Variants in DDR1 observed in about 807,000 individuals in gnomAD.
DDR1 encodes the protein epithelial discoidin domain-containing receptor 1.
Under a neutral mutation model 97.4 loss-of-function variants are expected in DDR1, and 64 were observed. The ratio of observed to expected loss-of-function variants is 0.66; its 90% confidence interval spans 0.54 to 0.81. The LOEUF is 0.81. Among genes scored for constraint, DDR1 ranks in the 30% least tolerant of loss-of-function variants. The pLI is 0.00. For synonymous variants in DDR1, 458 were observed against 503.7 expected (o/e 0.91, Z 1.21); for missense variants, 990 against 1,259.6 (o/e 0.79, Z 3.24).
chr6:30,892,081 G>T lies in DDR1; in HGVS notation c.745G>T (p.Val249Phe), dbSNP rs1359986879. The change falls in exon 7 of 18, where the codon GTC becomes TTC. Residue 249 changes from valine (V) to phenylalanine (F), a missense_variant. Transcript: ENST00000376568. Reference sequence around the variant, plus strand: ...CTTTAGGAAGAGTCAGGAGCTGCGGGTCTGGCCAGGCTATGACTATGTGGG... The same window carrying T: ...CTTTAGGAAGAGTCAGGAGCTGCGGTTCTGGCCAGGCTATGACTATGTGGG... ...DDFRKSQELR[V>F]WPGYDYVGWS... 1 of 1,614,202 alleles carries T rather than the reference G, an allele frequency of 6.2e-7. No individual in the cohort carries two copies. Among genetic ancestry groups the T allele is most frequent in the Non-Finnish European group, 8.5e-7 (1 of 1,180,022 alleles).
At chr6:30,885,905 T>G in intron 1 of DDR1, 1 of 1,085,212 alleles carries the variant, frequency 9.2e-7, no homozygotes, top group Non-Finnish European at 1.2e-6. Context: ...CGTGAAGGGC[T>G]TGAGGCAGGG....
chr6:30,894,721 T>G lies in DDR1; in HGVS notation c.1513+50T>G. 1 of 1,495,026 alleles carries G rather than the reference T, an allele frequency of 6.7e-7. No individual in the cohort carries two copies. The highest frequency in any genetic ancestry group is 8.9e-7 in the Non-Finnish European group (1 of 1,117,864). 92.6% of individuals were successfully genotyped at this position (1,495,026 alleles called of 1,614,324 possible). A position where few individuals can be genotyped will look rare whatever the true frequency, so the allele number is the denominator to read the frequency against. On this transcript the variant is annotated intron_variant, in intron 11 of 17. Coordinates refer to ENST00000376568, the MANE Select transcript of DDR1 (RefSeq NM_001297654.2). This position sits in a 1 kb window ranked among gnomAD's most constrained non-coding sequence, Gnocchi z 5.7. ...CACCTCTGTCCTCTCTGCTGTTTTC[T>G]TATTGTATCCCTTTCCCATTCTCTT...
rs1377964078 is a variant in DDR1 at position 30,891,365 on chromosome 6, C to G, written c.566-15C>G. The stretch of plus-strand genomic sequence containing the variant: ...CCTTAGTGCCTCTGACCCCCATCCT[C>G]TCACCCTGCCCCAGATGGACTCCTG... On this transcript the variant is annotated splice_polypyrimidine_tract_variant and intron_variant, in intron 5 of 17. Transcript: ENST00000376568. This position sits in a 1 kb window ranked among gnomAD's most constrained non-coding sequence, Gnocchi z 5.3. The G allele has an allele frequency of 9.3e-6, 15 of 1,604,822 alleles. No individual in the cohort carries two copies. Among genetic ancestry groups the G allele is most frequent in the Non-Finnish European group, 1.0e-5 (12 of 1,173,312 alleles).
intron 1 of DDR1, chr6:30,885,749 C>T: frequency 7.7e-7 from 1 of 1,294,028 alleles, no homozygotes; most frequent in Non-Finnish European, 1.0e-6. Context: ...TGAGGGTTGT[C>T]AGGGACACTG....
Position 30,893,412 on chromosome 6 carries a change from C to T in DDR1, c.1336C>T (p.Leu446Phe), listed in dbSNP as rs1002869977. The T allele has an allele frequency of 1.9e-6, 3 of 1,603,840 alleles. No homozygotes were observed. In the African/African-American group the frequency reaches 4.0e-5, roughly 21 times the overall value. ...GCTCTGGCGGCTGCACTGGCGCAGGCTCCTCAGCAAGGTGGGCACAGCCGT... is the reference window on the plus strand; with the variant it reads ...GCTCTGGCGGCTGCACTGGCGCAGGTTCCTCAGCAAGGTGGGCACAGCCGT... ...LMLWRLHWRR[L>F]LSKAERRVLE... The change falls in exon 10 of 18, where the codon CTC becomes TTC. Residue 446 changes from leucine to phenylalanine, a missense_variant. Transcript: ENST00000376568.
Position 30,889,088 on chromosome 6 carries a change from G to T in DDR1, c.188+78G>T. On this transcript the variant is annotated intron_variant, in intron 3 of 17. Transcript: ENST00000376568. This position sits in a 1 kb window ranked among gnomAD's most constrained non-coding sequence, Gnocchi z 4.9. ...CCTCTACTTCCCCTCCAACCCCTCT[G>T]CCCATGCCAGTGAAACCCCTGCAGG... 6.3e-7 allele frequency: 1 copy of T among 1,585,200 alleles called. No individual in the cohort carries two copies. The highest frequency in any genetic ancestry group is 8.7e-7 in the Non-Finnish European group (1 of 1,155,958).
In DDR1 at chr6:30,890,090, G is replaced by T. The variant is rs2150313149; in HGVS notation, c.417+660G>T. ...TCCCTGCTTCTGCCCTTTTCTGCCT[G>T]GAGTCAAATCTCCACCTGGGGGGGC... On this transcript the variant is annotated intron_variant, in intron 4 of 17. Transcript: ENST00000376568. This position sits in a 1 kb window ranked among gnomAD's most constrained non-coding sequence, Gnocchi z 5.0. Among the ~76,000 whole-genome samples the T allele has an allele frequency of 6.6e-6, 1 of 152,186 alleles. No homozygotes were observed. Among genetic ancestry groups the T allele is most frequent in the South Asian group, 2.1e-4 (1 of 4,810 alleles).
At chr6:30,893,582 AG>A (rs2150378249) in intron 10 of DDR1, among the ~76,000 whole-genome samples, 159 bp downstream of exon 10, 1 of 152,340 alleles carries the variant, frequency 6.6e-6, no homozygotes, top group East Asian at 1.9e-4. Context: ...TGGGGCTCAC[AG>A]GGAGGGCTGC....
At position 30,895,499 on chromosome 6, in the gene DDR1, C is replaced by G; in HGVS notation, c.1609C>G (p.Pro537Ala). 1 of 1,596,244 alleles carries G rather than the reference C, an allele frequency of 6.3e-7. No individual in the cohort carries two copies. Among genetic ancestry groups the G allele is most frequent in the Non-Finnish European group, 8.5e-7 (1 of 1,174,292 alleles). ...PGPPTPAWAK[P>A]TNTQAYSGDY... The stretch of plus-strand genomic sequence containing the variant: ...CCCCCCCACACCCGCCTGGGCCAAA[C>G]CCACCAACACCCAGGGTAAGCCCCT... The change falls in exon 12 of 18, where the codon CCC becomes GCC. Residue 537 changes from proline to alanine, a missense_variant. Coordinates refer to ENST00000376568, the MANE Select transcript of DDR1 (RefSeq NM_001297654.2).
Position 30,891,301 on chromosome 6 carries a change from G to A in DDR1, c.566-79G>A, listed in dbSNP as rs1221526116. On this transcript the variant is annotated intron_variant, in intron 5 of 17. Transcript: ENST00000376568. This position sits in a 1 kb window ranked among gnomAD's most constrained non-coding sequence, Gnocchi z 5.3. ...AGTGGAGAGATACAAGAAGGGACCTGAAACCTGCCCAGGCCTGATGCAGGG... is the reference window on the plus strand; with the variant it reads ...AGTGGAGAGATACAAGAAGGGACCTAAAACCTGCCCAGGCCTGATGCAGGG... The A allele has an allele frequency of 6.2e-6, 9 of 1,446,386 alleles. No homozygotes were observed. 89.6% of individuals were successfully genotyped at this position (1,446,386 alleles called of 1,614,324 possible). A position where few individuals can be genotyped will look rare whatever the true frequency, so the allele number is the denominator to read the frequency against.
At position 30,891,308 on chromosome 6, in the gene DDR1, GC is replaced by G; in HGVS notation, c.566-69del. 1 of 1,457,606 alleles carries G rather than the reference GC, an allele frequency of 6.9e-7. No individual in the cohort carries two copies. The allele number at this position is 1,457,606 out of a possible 1,614,324, so 90.3% of individuals were successfully genotyped here. A position where few individuals can be genotyped will look rare whatever the true frequency, so the allele number is the denominator to read the frequency against. On this transcript the variant is annotated intron_variant, in intron 5 of 17. Coordinates refer to ENST00000376568, the MANE Select transcript of DDR1 (RefSeq NM_001297654.2). The surrounding 1 kb of genome is among the most constrained non-coding windows in gnomAD (Gnocchi z 5.3). ...AGATACAAGAAGGGACCTGAAACCT[GC>G]CCAGGCCTGATGCAGGGATGGGGGA...
rs1257650730 is a variant in DDR1, at chr6:30,894,122, G to A, written c.1348-384G>A. 3.3e-5 allele frequency among the ~76,000 whole-genome samples: 5 copies of A among 152,160 alleles called. No homozygotes were observed. Among genetic ancestry groups the A allele is most frequent in the Admixed American group, 2.6e-4 (4 of 15,282 alleles). ...AAATTAGCCAGGCATGGTGGCTGAT[G>A]CCTGTAATCCCAGCTACTCAGGAGG... is the stretch of plus-strand genomic sequence containing the variant. On this transcript the variant is annotated intron_variant, in intron 10 of 17. Coordinates refer to ENST00000376568, the MANE Select transcript of DDR1 (RefSeq NM_001297654.2). This position sits in a 1 kb window ranked among gnomAD's most constrained non-coding sequence, Gnocchi z 5.7.
Position 30,898,088 on chromosome 6 carries a change from G to A in DDR1, c.2232G>A (p.Leu744=). 6.2e-7 allele frequency: 1 copy of A among 1,614,098 alleles called. No homozygotes were observed. Among genetic ancestry groups the A allele is most frequent in the Non-Finnish European group, 8.5e-7 (1 of 1,179,926 alleles). The change falls in exon 16 of 18, where the codon CTG becomes CTA. Residue 744 remains leucine, a synonymous_variant. Coordinates refer to ENST00000376568, the MANE Select transcript of DDR1 (RefSeq NM_001297654.2). The part of the protein sequence containing the change: ...QGPTISYPML[L]HVAAQIASGM... Reference sequence around the variant, plus strand: ...CCCTTCTCAGCTACCCAATGCTGCTGCATGTGGCAGCCCAGATCGCCTCCG... The same window carrying A: ...CCCTTCTCAGCTACCCAATGCTGCTACATGTGGCAGCCCAGATCGCCTCCG...
In DDR1 at chr6:30,893,906, G is replaced by A. The variant is rs1789624085; in HGVS notation, c.1347+483G>A. On this transcript the variant is annotated intron_variant, in intron 10 of 17. Coordinates refer to ENST00000376568, the MANE Select transcript of DDR1 (RefSeq NM_001297654.2). ...TGGAGGGGCAAAGGGAAGACGTCTGGCACACCCCAAGCCACGTCTTCCGGC... is the reference window on the plus strand; with the variant it reads ...TGGAGGGGCAAAGGGAAGACGTCTGACACACCCCAAGCCACGTCTTCCGGC... 3.9e-5 allele frequency among the ~76,000 whole-genome samples: 6 copies of A among 152,278 alleles called. No homozygotes were observed. In the South Asian group the frequency reaches 1.2e-3, roughly 32 times the overall value.
chr6:30,898,420 G>A, intron 16 of DDR1, 113 bp downstream of exon 16: 1 of 789,760 alleles, frequency 1.3e-6, no homozygotes, highest in South Asian at 1.7e-5. Context: ...GCATTTTACA[G>A]AATCTCATCT....
chr6:30,898,261 G>T lies in DDR1; in HGVS notation c.2405G>T (p.Arg802Leu). ...GGGGACTATTACCGTGTGCAGGGCC[G>T]GGCAGTGCTGCCCATCCGCTGGATG... ...YAGDYYRVQG[R>L]AVLPIRWMAW... is the part of the protein sequence containing the mutation. The change falls in exon 16 of 18, where the codon CGG becomes CTG. Residue 802 changes from arginine (R) to leucine (L), a missense_variant. By Grantham distance (102) the Arg-to-Leu change is moderately radical (BLOSUM62 -2). Transcript: ENST00000376568. 1 of 1,614,198 alleles carries T rather than the reference G, an allele frequency of 6.2e-7. No individual in the cohort carries two copies. The highest frequency in any genetic ancestry group is 8.5e-7 in the Non-Finnish European group (1 of 1,180,028).
At chr6:30,895,100 T>C (rs1790223548) in intron 11 of DDR1, among the ~76,000 whole-genome samples, 1 of 152,092 alleles carries the variant, frequency 6.6e-6, no homozygotes, top group Non-Finnish European at 1.5e-5. Flanking sequence ...CATCCATCCA[T>C]CCACCCACCC....
In DDR1 at chr6:30,891,205, C is replaced by A; in HGVS notation, c.565+85C>A. The A allele has an allele frequency of 7.0e-6, 11 of 1,563,138 alleles. No individual in the cohort carries two copies. Among genetic ancestry groups the A allele is most frequent in the Non-Finnish European group, 9.6e-6 (11 of 1,148,492 alleles). ...TGTGGAGAATGGGCATCCAGGATCC[C>A]TTCTCCTGCTGGGAAGCTGTCACTC... On this transcript the variant is annotated intron_variant, in intron 5 of 17. Transcript: ENST00000376568. The surrounding 1 kb of genome is among the most constrained non-coding windows in gnomAD (Gnocchi z 5.3).
Position 30,891,889 on chromosome 6 carries a change from G to T in DDR1, c.666-113G>T. 1 of 1,184,578 alleles carries T rather than the reference G, an allele frequency of 8.4e-7. No homozygotes were observed. 73.4% of individuals were successfully genotyped at this position (1,184,578 alleles called of 1,614,324 possible). ...AGGTGGGATGGGAATGGGACTAGTG[G>T]ATGGGAGCCAGGCTGGCCATGCCAC... is the stretch of plus-strand genomic sequence containing the variant. On this transcript the variant is annotated intron_variant, in intron 6 of 17. Transcript: ENST00000376568. The surrounding 1 kb of genome is among the most constrained non-coding windows in gnomAD (Gnocchi z 5.3).
Sources: gnomAD v4.1 joint callset for allele counts (sites outside exome capture counted in the v4.1 genomes callset) on GRCh38, gnomAD v4.1.1 for gene constraint, Gnocchi (gnomAD v3.1) non-coding constraint, MANE v1.5 for transcripts, NCBI Gene and HGNC (gene_info 2026-07-23, HGNC 2026-07-21) for gene names.